TSKU: variants seen among roughly 807,000 people sequenced by gnomAD.
The protein encoded by TSKU is tsukushi.
A neutral mutation model predicts 11.2 loss-of-function variants in TSKU; 4 were observed. The observed-to-expected ratio is 0.36, with a 90% CI of 0.18 to 0.82. TSKU has a LOEUF of 0.82. TSKU is among the 40% of genes least tolerant of loss of function. The pLI is 0.50. For missense variants in TSKU, 407 were observed against 482.5 expected, an observed-to-expected ratio of 0.84 and a Z score of 1.47; for synonymous variants, 220 against 232.2, an observed-to-expected ratio of 0.95 and a Z score of 0.48.
At position 76,795,700 on chromosome 11, in the gene TSKU, G is replaced by A. The variant is rs748793973; in HGVS notation, c.84G>A (p.Val28=). The change falls in exon 2 of 2, where the codon GTG becomes GTA. Residue 28 remains valine (V), a synonymous_variant. Transcript: ENST00000333090. ...RPCFPGCQCE[V]ETFGLFDSFS... ...GCTTCCCCGGGTGCCAATGCGAGGT[G>A]GAGACCTTCGGCCTTTTCGACAGCT... 3 of 1,614,154 alleles carry A rather than the reference G, an allele frequency of 1.9e-6. No homozygotes were observed. The Admixed American group carries it at 5.0e-5, about 27-fold the overall frequency.
intron 1 of TSKU, among the ~76,000 whole-genome samples, chr11:76,787,141 G>T (rs1424332902): frequency 6.6e-6 from 1 of 152,172 alleles, no homozygotes; most frequent in Admixed American, 6.5e-5. Context: ...GACTCAGAGG[G>T]GTGAGGGCAC....
rs752801415 is a variant in TSKU at position 76,795,680 on chromosome 11, C to T, written c.64C>T (p.Pro22Ser). ...GGCCCAGACAACCCGGCCATGCTTC[C>T]CCGGGTGCCAATGCGAGGTGGAGAC... ...SGAQTTRPCFPGCQCEVETFG... is the reference protein window; with the variant it reads ...SGAQTTRPCFSGCQCEVETFG... Residue 22 changes from proline to serine, a missense_variant, in exon 2 of 2, where the codon CCC becomes TCC. Pro to Ser is a moderately conservative substitution (Grantham distance 74). Coordinates refer to ENST00000333090, the MANE Select transcript of TSKU (RefSeq NM_015516.4). 1 of 1,614,054 alleles carries T rather than the reference C, an allele frequency of 6.2e-7. No homozygotes were observed. The highest frequency in any genetic ancestry group is 8.5e-7 in the Non-Finnish European group (1 of 1,180,044).
At chr11:76,784,746 TG>T (rs774195231) in intron 1 of TSKU, among the ~76,000 whole-genome samples, 12,906 of 41,642 alleles carry the variant, frequency 0.31, 1,005 homozygotes, top group East Asian at 0.53. Flanking sequence ...TGACCGGAGG[TG>T]GGGGGGGGGG....
chr11:76,783,244 G>C (rs1434426933), upstream of TSKU: 2 of 150,676 alleles, frequency 1.3e-5, no homozygotes, highest in African/African-American at 4.9e-5. Context: ...GCCGCCCCGC[G>C]GCCGGCCCGA....
chr11:76,784,128 G>A (rs905423978), intron 1 of TSKU: 1 of 152,756 alleles, frequency 6.5e-6, no homozygotes, highest in African/African-American at 2.4e-5. Flanking sequence ...GGGCTGGGCG[G>A]AGCGTGCGGA....
At position 76,796,515 on chromosome 11, in the gene TSKU, T is replaced by G; in HGVS notation, c.899T>G (p.Leu300Arg). 2 of 1,611,734 alleles carry G rather than the reference T, an allele frequency of 1.2e-6. No homozygotes were observed. Among genetic ancestry groups the G allele is most frequent in the Non-Finnish European group, 1.7e-6 (2 of 1,178,890 alleles). The change falls in exon 2 of 2, where the codon CTC becomes CGC. Residue 300 changes from leucine (L) to arginine (R), a missense_variant. Leu to Arg is a moderately radical substitution (Grantham distance 102). Transcript: ENST00000333090. This position sits in a 1 kb window ranked among gnomAD's most constrained non-coding sequence, Gnocchi z 4.1. ...GTGCCCCTGCCTGAGGCGCTGCTCC[T>G]CCACCTCCCGGCACTGCAGAGCGTC... ...NLVPLPEALLLHLPALQSVSV... is the reference protein window; with the variant it reads ...NLVPLPEALLRHLPALQSVSV...
In TSKU at chr11:76,796,922, A is replaced by G. The variant is rs1763176445; in HGVS notation, c.*244A>G. 1 of 369,458 alleles carries G rather than the reference A, an allele frequency of 2.7e-6. No homozygotes were observed. Among genetic ancestry groups the G allele is most frequent in the Admixed American group, 4.5e-5 (1 of 22,318 alleles). 22.9% of individuals were successfully genotyped at this position (369,458 alleles called of 1,614,324 possible). A position where few individuals can be genotyped will look rare whatever the true frequency, so the allele number is the denominator to read the frequency against. ...AGCAGAGGGACTTCGATGCCAAACC[A>G]GACTCGGGTCCCCTCCTGCTTCCCT... On this transcript the variant is annotated 3_prime_UTR_variant, in exon 2 of 2. Transcript: ENST00000333090. This position sits in a 1 kb window ranked among gnomAD's most constrained non-coding sequence, Gnocchi z 4.1.
In TSKU at chr11:76,796,517, C is replaced by T. The variant is rs766793701; in HGVS notation, c.901C>T (p.His301Tyr). The change falls in exon 2 of 2, where the codon CAC becomes TAC. Residue 301 changes from histidine (H) to tyrosine (Y), a missense_variant. His to Tyr is a moderately conservative substitution (Grantham distance 83). Transcript: ENST00000333090. The surrounding 1 kb of genome is among the most constrained non-coding windows in gnomAD (Gnocchi z 4.1). ...LVPLPEALLLHLPALQSVSVG... is the reference protein window; with the variant it reads ...LVPLPEALLLYLPALQSVSVG... ...GCCCCTGCCTGAGGCGCTGCTCCTC[C>T]ACCTCCCGGCACTGCAGAGCGTCAG... is the stretch of plus-strand genomic sequence containing the variant. 9.3e-6 allele frequency: 15 copies of T among 1,610,446 alleles called. No individual in the cohort carries two copies. In the Admixed American group the frequency reaches 1.5e-4, roughly 16 times the overall value.
At position 76,785,779 on chromosome 11, in the gene TSKU, G is replaced by A. The variant is rs566792463; in HGVS notation, c.-9+2375G>A. Among the ~76,000 whole-genome samples the A allele has an allele frequency of 2.0e-3, 302 of 152,250 alleles. 2 individuals are homozygous for A. Among genetic ancestry groups the A allele is most frequent in the African/African-American group, 7.0e-3 (292 of 41,546 alleles). ...GGTAATTCTATGAAACCCGTCTCTG[G>A]CTTGTGGGTGGTGCTGGAGGCCGAG... On this transcript the variant is annotated intron_variant, in intron 1 of 1. Coordinates refer to ENST00000333090, the MANE Select transcript of TSKU (RefSeq NM_015516.4).
At chr11:76,789,440 G>A (rs1318556858) in intron 1 of TSKU, among the ~76,000 whole-genome samples, 5 of 152,156 alleles carry the variant, frequency 3.3e-5, no homozygotes, top group Non-Finnish European at 7.3e-5. Context: ...CAGTGTGTGC[G>A]GTGTCACCTG....
At chr11:76,787,594 G>A (rs1944324863) in intron 1 of TSKU, among the ~76,000 whole-genome samples, 1 of 152,192 alleles carries the variant, frequency 6.6e-6, no homozygotes, top group Admixed American at 6.5e-5. Flanking sequence ...GAGGAAGCAT[G>A]GGAGAGGTTG....
intron 1 of TSKU, among the ~76,000 whole-genome samples, chr11:76,790,325 G>A (rs1335734698): frequency 1.3e-5 from 2 of 152,176 alleles, no homozygotes; most frequent in African/African-American, 4.8e-5. Context: ...CTCCCTGTCA[G>A]TGCCCCAGAG....
intron 1 of TSKU, among the ~76,000 whole-genome samples, chr11:76,787,257 C>T (rs1385051860): frequency 2.0e-5 from 3 of 152,194 alleles, no homozygotes; most frequent in African/African-American, 4.8e-5. Context: ...TGTCCATGTA[C>T]GCTGCCTCAG....
Position 76,796,685 on chromosome 11 carries a change from G to C in TSKU, c.*7G>C. The C allele has an allele frequency of 1.4e-6, 2 of 1,447,914 alleles. No individual in the cohort carries two copies. Among genetic ancestry groups the C allele is most frequent in the Non-Finnish European group, 1.8e-6 (2 of 1,096,516 alleles). 89.7% of individuals were successfully genotyped at this position (1,447,914 alleles called of 1,614,324 possible). On this transcript the variant is annotated 3_prime_UTR_variant, in exon 2 of 2. Transcript: ENST00000333090. The surrounding 1 kb of genome is among the most constrained non-coding windows in gnomAD (Gnocchi z 4.1). ...GGGCCCCACCATCTTGTGACAAATG[G>C]TGTGGCCCAGGGCCACATAACAGAC... is the stretch of plus-strand genomic sequence containing the variant.
At chr11:76,790,417 T>C (rs949657337) in intron 1 of TSKU, among the ~76,000 whole-genome samples, 1 of 152,212 alleles carries the variant, frequency 6.6e-6, no homozygotes, top group Non-Finnish European at 1.5e-5. Context: ...GTCCTGGTGC[T>C]GTGCTGGGTG....
In TSKU at chr11:76,796,391, C is replaced by T; in HGVS notation, c.775C>T (p.Leu259=). The T allele has an allele frequency of 1.2e-6, 2 of 1,613,448 alleles. No homozygotes were observed. The highest frequency in any genetic ancestry group is 1.7e-6 in the Non-Finnish European group (2 of 1,179,982). The change falls in exon 2 of 2, where the codon CTG becomes TTG. Residue 259 remains leucine (L), a synonymous_variant. Transcript: ENST00000333090. This position sits in a 1 kb window ranked among gnomAD's most constrained non-coding sequence, Gnocchi z 4.1. The part of the protein sequence containing the change: ...GFRELPGLQV[L]DLSGNPKLNW... ...CCGTGAGCTACCGGGCCTGCAGGTC[C>T]TGGACCTGTCGGGCAACCCCAAGCT...
At chr11:76,794,999 C>G (rs1590820500) in intron 1 of TSKU, among the ~76,000 whole-genome samples, 1 of 152,212 alleles carries the variant, frequency 6.6e-6, no homozygotes, top group African/African-American at 2.4e-5. Context: ...GCCCAGTTCC[C>G]TTTTGGTAAA....
At chr11:76,793,282 C>G (rs1043683148) in intron 1 of TSKU, among the ~76,000 whole-genome samples, 1 of 152,286 alleles carries the variant, frequency 6.6e-6, no homozygotes, top group Non-Finnish European at 1.5e-5. Flanking sequence ...GATGACTGCC[C>G]TGTGCCTGTG....
At chr11:76,789,689 C>T (rs1217198850) in intron 1 of TSKU, among the ~76,000 whole-genome samples, 1 of 152,196 alleles carries the variant, frequency 6.6e-6, no homozygotes, top group African/African-American at 2.4e-5. Flanking sequence ...TATCTTGTAT[C>T]TGCAGGTCAA....
Sources: allele counts gnomAD v4.1 joint callset (sites outside exome capture counted in the v4.1 genomes callset), GRCh38; gene constraint gnomAD v4.1.1; non-coding constraint Gnocchi (gnomAD v3.1); transcripts MANE v1.5; gene names NCBI Gene and HGNC (gene_info 2026-07-23, HGNC 2026-07-21).